GRM7: variants seen among roughly 807,000 people sequenced by gnomAD.
GRM7 encodes the protein glutamate metabotropic receptor 7, also known as metabotropic glutamate receptor 7.
A neutral mutation model predicts 84.5 loss-of-function variants in GRM7; 35 were observed. The observed-to-expected ratio is 0.41, with a 90% CI of 0.32 to 0.55. The LOEUF is 0.55. Among genes scored for constraint, GRM7 ranks in the 20% least tolerant of loss-of-function variants. The pLI is 0.19. For missense variants in GRM7, 1,003 were observed against 1,194.6 expected (o/e 0.84, Z 2.36); for synonymous variants, 487 against 455.1 (o/e 1.07, Z -0.89).
chr3:6,894,892 A>T (rs1287791479), intron 1 of GRM7, among the ~76,000 whole-genome samples: 1 of 152,200 alleles, frequency 6.6e-6, no homozygotes, highest in African/African-American at 2.4e-5. Flanking sequence ...TTTCTCTAGG[A>T]GATGGAAAGG....
chr3:7,228,659 G>T (rs541720213), intron 2 of GRM7, among the ~76,000 whole-genome samples: 1 of 152,302 alleles, frequency 6.6e-6, no homozygotes, highest in South Asian at 2.1e-4. Flanking sequence ...AACAATAAAA[G>T]TCTCTTTCAC....
At chr3:6,870,202 G>T (rs531275799) in intron 1 of GRM7, among the ~76,000 whole-genome samples, 1 of 152,268 alleles carries the variant, frequency 6.6e-6, no homozygotes, top group South Asian at 2.1e-4. Context: ...GCTGAAGATG[G>T]TCGGGTTGGT....
intron 7 of GRM7, among the ~76,000 whole-genome samples, chr3:7,533,669 T>G (rs1210897289): frequency 6.6e-6 from 1 of 152,200 alleles, no homozygotes; most frequent in East Asian, 1.9e-4. Flanking sequence ...TTTCCTGATA[T>G]TTACTGAATG....
chr3:6,875,599 T>G (rs2124950858), intron 1 of GRM7, among the ~76,000 whole-genome samples: 1 of 152,340 alleles, frequency 6.6e-6, no homozygotes, highest in East Asian at 1.9e-4. Flanking sequence ...AATTACCCAG[T>G]CTTGGGTATG....
intron 4 of GRM7, among the ~76,000 whole-genome samples, chr3:7,356,463 G>A (rs533304049): frequency 6.6e-6 from 1 of 151,844 alleles, no homozygotes; most frequent in Non-Finnish European, 1.5e-5. Context: ...CACCACGCCT[G>A]GTTAATTTTT....
intron 2 of GRM7, among the ~76,000 whole-genome samples, chr3:7,287,413 C>T (rs1699468702): frequency 6.6e-6 from 1 of 152,134 alleles, no homozygotes. Context: ...ACTCAATGAA[C>T]TCTTTGCCCT....
At chr3:7,516,765 C>T (rs1700408019) in intron 7 of GRM7, among the ~76,000 whole-genome samples, 1 of 152,112 alleles carries the variant, frequency 6.6e-6, no homozygotes, top group East Asian at 1.9e-4. Flanking sequence ...GTTATTGCCA[C>T]CATTTGCCTC....
intron 4 of GRM7, among the ~76,000 whole-genome samples, chr3:7,337,300 C>T (rs1401896882): frequency 6.6e-6 from 1 of 151,982 alleles, no homozygotes; most frequent in Non-Finnish European, 1.5e-5. Context: ...GACCTCTAAC[C>T]ATACAAATTC....
chr3:7,203,690 G>A (rs868483920), intron 2 of GRM7, among the ~76,000 whole-genome samples: 4 of 152,102 alleles, frequency 2.6e-5, no homozygotes, highest in Non-Finnish European at 1.5e-5. Flanking sequence ...CATAGTGGTT[G>A]CACTAACTTA....
chr3:6,896,588 G>A (rs930287273), intron 1 of GRM7, among the ~76,000 whole-genome samples: 10 of 152,148 alleles, frequency 6.6e-5, no homozygotes, highest in South Asian at 2.1e-4. Flanking sequence ...TGAGCTCAAC[G>A]TCTAGCATTT....
intron 8 of GRM7, among the ~76,000 whole-genome samples, chr3:7,601,165 C>T (rs1696293926): frequency 6.6e-6 from 1 of 152,068 alleles, no homozygotes; most frequent in South Asian, 2.1e-4. Flanking sequence ...TTATTTAAGG[C>T]ATTAATAGAG....
intron 5 of GRM7, among the ~76,000 whole-genome samples, chr3:7,419,650 T>C (rs1696315635): frequency 6.6e-6 from 1 of 152,188 alleles, no homozygotes; most frequent in Admixed American, 6.5e-5. Flanking sequence ...TCATAACTCG[T>C]GACTTACCCA....
intron 4 of GRM7, among the ~76,000 whole-genome samples, chr3:7,315,373 G>T (rs1028576122): frequency 1.3e-5 from 2 of 152,130 alleles, no homozygotes; most frequent in Admixed American, 1.3e-4. Context: ...TTTTTCAAAA[G>T]AACTCTTTCC....
intron 1 of GRM7, among the ~76,000 whole-genome samples, chr3:6,902,559 A>G (rs1202871973): frequency 6.6e-6 from 1 of 152,174 alleles, no homozygotes; most frequent in African/African-American, 2.4e-5. Flanking sequence ...AACTTGTTCT[A>G]TTATCTCTTA....
At chr3:6,995,552 A>G (rs969547883) in intron 1 of GRM7, among the ~76,000 whole-genome samples, 14 of 152,332 alleles carry the variant, frequency 9.2e-5, no homozygotes, top group African/African-American at 3.1e-4. Context: ...TGCAATGGCA[A>G]TTTTGTACTT....
At chr3:7,092,908 C>G (rs998815559) in intron 1 of GRM7, among the ~76,000 whole-genome samples, 1 of 152,108 alleles carries the variant, frequency 6.6e-6, no homozygotes. Flanking sequence ...CATAGTGACA[C>G]CCCATTTCTA....
chr3:6,967,458 G>T (rs949346168), intron 1 of GRM7, among the ~76,000 whole-genome samples: 2 of 152,176 alleles, frequency 1.3e-5, no homozygotes, highest in Non-Finnish European at 2.9e-5. Context: ...GTCTCCCAAA[G>T]TGTTGGGATT....
chr3:7,297,406 G>T (rs942768109), intron 2 of GRM7, among the ~76,000 whole-genome samples: 1 of 152,046 alleles, frequency 6.6e-6, no homozygotes, highest in African/African-American at 2.4e-5. Context: ...CTCAAAATAT[G>T]GTCTATCTTA....
At chr3:7,572,881 A>ATATATATAT in intron 7 of GRM7, among the ~76,000 whole-genome samples, 1 of 76,166 alleles carries the variant, frequency 1.3e-5, no homozygotes, top group Non-Finnish European at 2.6e-5. Context: ...TATATATATA[A>ATATATATAT]ATAATCTTTC....
Sources: allele counts gnomAD v4.1 joint callset (sites outside exome capture counted in the v4.1 genomes callset), GRCh38; gene constraint gnomAD v4.1.1; transcripts MANE v1.5; gene names NCBI Gene and HGNC (gene_info 2026-07-23, HGNC 2026-07-21).